The following PALM2AKAP2 variants were observed in gnomAD, a reference collection of about 807,000 sequenced individuals.
The protein encoded by PALM2AKAP2 is PALM2 and AKAP2 fusion, also known as PALM2-AKAP2 fusion protein.
Under a neutral mutation model 71.5 loss-of-function variants are expected in PALM2AKAP2, and 37 were observed. The ratio of observed to expected loss-of-function variants is 0.52; its 90% CI spans 0.40 to 0.68. PALM2AKAP2 has a LOEUF of 0.68. PALM2AKAP2 is among the 30% of genes least tolerant of loss of function. The pLI is 0.00. For missense variants in PALM2AKAP2, 1,224 were observed against 1,191.8 expected (o/e 1.03, Z -0.40); for synonymous variants, 468 against 478.8 (o/e 0.98, Z 0.29).
intron 6 of PALM2AKAP2, among the ~76,000 whole-genome samples, chr9:109,975,060 G>A (rs1832146386): frequency 6.7e-6 from 1 of 149,330 alleles, no homozygotes; most frequent in South Asian, 2.1e-4. Context: ...ATCTGCACGT[G>A]CACACACACA....
At chr9:110,145,412 C>T (rs944682094) in intron 2 of PALM2AKAP2, among the ~76,000 whole-genome samples, 3 of 152,172 alleles carry the variant, frequency 2.0e-5, no homozygotes, top group African/African-American at 4.8e-5. Flanking sequence ...CTGCCATTTA[C>T]TCCAGAAACA....
In PALM2AKAP2 at chr9:110,035,680, AT is replaced by A. The variant is rs1564271738; in HGVS notation, c.582+19642del. Among the ~76,000 whole-genome samples, 295 of 113,574 alleles carry A rather than the reference AT, an allele frequency of 2.6e-3. 1 individual carries two copies. In the East Asian group the frequency reaches 0.063, roughly 24 times the overall value. 74.5% of individuals were successfully genotyped at this position (113,574 alleles called of 152,430 possible). On this transcript the variant is annotated intron_variant, in intron 7 of 9. Transcript: ENST00000302798. ...ATATAGGATATGTTGTGTGTTATATATAACATATATAGGATATGTTGTGTGT... is the reference window on the plus strand; with the variant it reads ...ATATAGGATATGTTGTGTGTTATATAAACATATATAGGATATGTTGTGTGT...
At chr9:110,091,008 G>T (rs1834693343) in intron 1 of PALM2AKAP2, among the ~76,000 whole-genome samples, 1 of 151,940 alleles carries the variant, frequency 6.6e-6, no homozygotes, top group Non-Finnish European at 1.5e-5. Flanking sequence ...ACATAGGTCG[G>T]CATGGGTAAA....
At chr9:109,930,822 G>A (rs563249183) in intron 5 of PALM2AKAP2, among the ~76,000 whole-genome samples, 15 of 152,228 alleles carry the variant, frequency 9.9e-5, no homozygotes, top group Non-Finnish European at 1.6e-4. Context: ...CCAGCAGGGG[G>A]AAGAGTGAAG....
chr9:110,159,021 G>A (rs1052600577), intron 3 of PALM2AKAP2, among the ~76,000 whole-genome samples: 8 of 152,200 alleles, frequency 5.3e-5, no homozygotes, highest in Non-Finnish European at 2.9e-5. Context: ...TGGTGAATGT[G>A]TTGAAGTTTA....
chr9:109,942,462 G>A (rs1201828670), intron 6 of PALM2AKAP2, among the ~76,000 whole-genome samples: 1 of 152,164 alleles, frequency 6.6e-6, no homozygotes, highest in Admixed American at 6.5e-5. Context: ...GTGCCATTGA[G>A]ATATAGCAAC....
chr9:110,156,325 TAGAG>T lies in PALM2AKAP2; in HGVS notation c.2578_2581del (p.Glu860LysfsTer19). The T allele has an allele frequency of 6.4e-7, 1 of 1,573,322 alleles. No individual in the cohort carries two copies. The highest frequency in any genetic ancestry group is 8.6e-7 in the Non-Finnish European group (1 of 1,160,220). ...TTTCTTCGTGTTGTTTCAGGGAAAA[TAGAG>T]AAAGTCAAACCTCCTCCATCCCCCA... On this transcript the variant is annotated frameshift_variant, in exon 3 of 4. Coordinates refer to ENST00000374525, the Ensembl canonical transcript of PALM2AKAP2. LOFTEE classifies it high-confidence loss of function.
chr9:109,784,976 A>T (rs1473507238), intron 1 of PALM2AKAP2, among the ~76,000 whole-genome samples: 1 of 152,246 alleles, frequency 6.6e-6, no homozygotes, highest in Non-Finnish European at 1.5e-5. Flanking sequence ...AACGAGTAAC[A>T]TTCCCATGGG....
intron 1 of PALM2AKAP2, among the ~76,000 whole-genome samples, chr9:109,695,702 A>G (rs1827959914): frequency 6.6e-6 from 1 of 152,212 alleles, no homozygotes; most frequent in Non-Finnish European, 1.5e-5. Flanking sequence ...TATAAAAAAG[A>G]ATGAAATACT....
intron 2 of PALM2AKAP2, among the ~76,000 whole-genome samples, chr9:109,878,047 G>GAA (rs1829757933): frequency 6.6e-6 from 1 of 152,208 alleles, no homozygotes; most frequent in South Asian, 2.1e-4. Context: ...AATTTTGAGA[G>GAA]GTTTTTGTGG....
At chr9:109,873,266 C>T (rs1019040542) in intron 2 of PALM2AKAP2, among the ~76,000 whole-genome samples, 2 of 152,066 alleles carry the variant, frequency 1.3e-5, no homozygotes, top group Non-Finnish European at 2.9e-5. Flanking sequence ...AGTTCGAGAC[C>T]AGCCTAGCCA....
chr9:110,119,159 A>G (rs1835427967), intron 1 of PALM2AKAP2, among the ~76,000 whole-genome samples: 2 of 152,002 alleles, frequency 1.3e-5, no homozygotes, highest in Admixed American at 6.6e-5. Flanking sequence ...CCTGGCCAAC[A>G]TGGTAAAAAT....
chr9:110,159,621 T>C (rs1836546685), intron 3 of PALM2AKAP2, among the ~76,000 whole-genome samples: 1 of 151,970 alleles, frequency 6.6e-6, no homozygotes, highest in Non-Finnish European at 1.5e-5. Context: ...TTAGACACAA[T>C]GGTATCGAGG....
chr9:109,801,931 G>A (rs778474336), intron 1 of PALM2AKAP2, among the ~76,000 whole-genome samples: 1 of 152,090 alleles, frequency 6.6e-6, no homozygotes, highest in Admixed American at 6.5e-5. Context: ...CATGGGGAGG[G>A]GTGATCCCCC....
At position 109,862,521 on chromosome 9, in the gene PALM2AKAP2, G is replaced by A. The variant is rs150915316; in HGVS notation, c.46-4970G>A. On this transcript the variant is annotated intron_variant, in intron 1 of 9. Transcript: ENST00000302798. ...TTTTTTCACTTCTCTCCTGGTATCC[G>A]TGTGTCTGTCCCTAGAAATGTCTCT... Among the ~76,000 whole-genome samples the A allele has an allele frequency of 3.0e-3, 450 of 152,224 alleles. 1 individual carries two copies. Among genetic ancestry groups the A allele is most frequent in the African/African-American group, 1.0e-2 (415 of 41,544 alleles).
At chr9:110,011,014 A>AAAAAAAAAAAT (rs35212981) in intron 6 of PALM2AKAP2, among the ~76,000 whole-genome samples, 12 of 69,594 alleles carry the variant, frequency 1.7e-4, no homozygotes, top group African/African-American at 8.6e-4. Context: ...AAAAAAAAAA[A>AAAAAAAAAAAT]ATATATATAT....
At chr9:109,754,316 C>G (rs920635217) in intron 1 of PALM2AKAP2, among the ~76,000 whole-genome samples, 6 of 152,130 alleles carry the variant, frequency 3.9e-5, no homozygotes, top group East Asian at 1.9e-4. Flanking sequence ...ACTGTGAATC[C>G]TATAACAGAA....
At chr9:110,114,927 G>T (rs1181920416) in intron 1 of PALM2AKAP2, among the ~76,000 whole-genome samples, 1 of 152,252 alleles carries the variant, frequency 6.6e-6, no homozygotes, top group East Asian at 1.9e-4. Flanking sequence ...AGTCGGTTTC[G>T]TTTGCATTAA....
chr9:109,886,790 G>A (rs919995799), intron 3 of PALM2AKAP2, among the ~76,000 whole-genome samples: 2 of 152,208 alleles, frequency 1.3e-5, no homozygotes, highest in Non-Finnish European at 2.9e-5. Context: ...TGTTATAGAA[G>A]GAAGTGGTTT....
Sources: gnomAD v4.1 joint callset for allele counts (sites outside exome capture counted in the v4.1 genomes callset) on GRCh38, gnomAD v4.1.1 for gene constraint, MANE v1.5 for transcripts, NCBI Gene and HGNC (gene_info 2026-07-23, HGNC 2026-07-21) for gene names.